Variants in SHROOM4 observed in about 807,000 individuals in gnomAD.
SHROOM4 encodes shroom family member 4.
Under a neutral mutation model 80.3 loss-of-function variants are expected in SHROOM4, and 17 were observed. That is an observed-to-expected ratio of 0.21 (90% CI 0.14 to 0.32). The LOEUF (loss-of-function observed/expected upper bound fraction) is 0.32. Ranked by LOEUF, SHROOM4 falls within the 10% of genes least tolerant of loss-of-function variation. SHROOM4 has a pLI of 1.00. For synonymous variants in SHROOM4, 400 were observed against 437.5 expected (o/e 0.91, Z 1.07); for missense variants, 993 against 1,140.3 (o/e 0.87, Z 1.86).
chrX:50,776,766 G>A (rs1186088652), intron 1 of SHROOM4, among the ~76,000 whole-genome samples: 1 of 108,468 alleles, frequency 9.2e-6, no homozygotes, highest in Non-Finnish European at 1.9e-5. Context: ...ATGGCTCACT[G>A]CAGCCTCAAC....
rs911533517 is a variant in SHROOM4, at chrX:50,591,378, G to A, written c.*5317C>T. 5.4e-5 allele frequency among the ~76,000 whole-genome samples: 6 copies of A among 111,866 alleles called. No individual in the cohort carries two copies. The East Asian group carries it at 1.7e-3, about 32-fold the overall frequency. On this transcript the variant is annotated 3_prime_UTR_variant, in exon 9 of 9. Transcript: ENST00000376020. Reference sequence around the variant, plus strand: ...TTAAAGATTGTTTTGACTGTTCCAGGTCCCTTGTAATTCCATATGAATTTT... The same window carrying A: ...TTAAAGATTGTTTTGACTGTTCCAGATCCCTTGTAATTCCATATGAATTTT...
chrX:50,803,527 C>A (rs966469158), intron 1 of SHROOM4, among the ~76,000 whole-genome samples: 1 of 111,765 alleles, frequency 8.9e-6, no homozygotes, highest in Non-Finnish European at 1.9e-5. Context: ...TTCTTCCTCC[C>A]AGGCCTACCT....
intron 1 of SHROOM4, among the ~76,000 whole-genome samples, chrX:50,733,690 C>A (rs1602471674): frequency 8.9e-6 from 1 of 112,247 alleles, no homozygotes; most frequent in East Asian, 2.8e-4. Context: ...AGACTACAAG[C>A]TTTCCTTTTA....
At chrX:50,660,220 C>T (rs928081902) in intron 2 of SHROOM4, among the ~76,000 whole-genome samples, 1 of 111,673 alleles carries the variant, frequency 9.0e-6, no homozygotes, top group Non-Finnish European at 1.9e-5. Context: ...CAGTGCTTTA[C>T]GAAGTTTCAT....
intron 2 of SHROOM4, among the ~76,000 whole-genome samples, chrX:50,647,038 A>G (rs1022998977): frequency 2.7e-5 from 3 of 111,847 alleles, no homozygotes; most frequent in African/African-American, 9.8e-5. Context: ...GAAGGTTGGC[A>G]GGAAGTAACC....
rs782530547 is a variant in SHROOM4, at chrX:50,694,543, A to ATTTTTTTTTTTTTTT, written c.269+1228_269+1242dup. 2.4e-3 allele frequency among the ~76,000 whole-genome samples: 30 copies of ATTTTTTTTTTTTTTT among 12,494 alleles called. 11 individuals are homozygous for ATTTTTTTTTTTTTTT. The highest frequency in any genetic ancestry group is 0.016 in the East Asian group (4 of 258). The allele number at this position is 12,494 out of a possible 115,157, so 10.8% of individuals were successfully genotyped here. On this transcript the variant is annotated intron_variant, in intron 2 of 8. Coordinates refer to ENST00000376020, the MANE Select transcript of SHROOM4 (RefSeq NM_020717.5). The stretch of plus-strand genomic sequence containing the variant: ...AGGTCTTTGCCCATTTTTAAGTTGG[A>ATTTTTTTTTTTTTTT]TTTTTTTTTTTTTTTTTTTTTTTTT...
chrX:50,718,325 A>AG (rs1557265088), intron 1 of SHROOM4, among the ~76,000 whole-genome samples: 1 of 111,953 alleles, frequency 8.9e-6, no homozygotes, highest in East Asian at 2.8e-4. Flanking sequence ...AATCCTAAAC[A>AG]TATATAAAAA....
chrX:50,782,072 G>T (rs1935638971), intron 1 of SHROOM4, among the ~76,000 whole-genome samples: 1 of 111,106 alleles, frequency 9.0e-6, no homozygotes, highest in Non-Finnish European at 1.9e-5. Flanking sequence ...AGCCTGGTGT[G>T]GTGGCACTTG....
At chrX:50,637,566 C>T (rs1318372275) in intron 3 of SHROOM4, among the ~76,000 whole-genome samples, 1 of 112,716 alleles carries the variant, frequency 8.9e-6, no homozygotes. Flanking sequence ...TTGGGGTAAA[C>T]GCAACCCTTA....
chrX:50,750,054 A>T (rs1022810007), intron 1 of SHROOM4, among the ~76,000 whole-genome samples: 2 of 111,829 alleles, frequency 1.8e-5, no homozygotes, highest in African/African-American at 6.5e-5. Flanking sequence ...ACATCTCATT[A>T]TCTTGGCCTC....
chrX:50,600,532 G>A (rs1247170747), intron 7 of SHROOM4, among the ~76,000 whole-genome samples: 1 of 112,340 alleles, frequency 8.9e-6, no homozygotes, highest in Non-Finnish European at 1.9e-5. Context: ...GTTAACACAT[G>A]TTACATGTTT....
chrX:50,786,065 A>T (rs1306144480), intron 1 of SHROOM4, among the ~76,000 whole-genome samples: 1 of 111,620 alleles, frequency 9.0e-6, no homozygotes, highest in Non-Finnish European at 1.9e-5. Flanking sequence ...GTACGATGAG[A>T]CTACCACATT....
At chrX:50,812,668 C>A (rs1356943801) in intron 1 of SHROOM4, among the ~76,000 whole-genome samples, 2 of 111,476 alleles carry the variant, frequency 1.8e-5, no homozygotes, top group Non-Finnish European at 3.8e-5. Flanking sequence ...AAGGCGAATG[C>A]CGCACAGGTT....
Position 50,736,445 on chromosome X carries a change from T to G in SHROOM4, c.118-40508A>C, listed in dbSNP as rs187330656. 2.8e-3 allele frequency among the ~76,000 whole-genome samples: 307 copies of G among 110,942 alleles called. 1 individual carries two copies. The highest frequency in any genetic ancestry group is 9.7e-3 in the African/African-American group (295 of 30,469). ...CCCAACAAGCCCCAATATGTGTTGT[T>G]CTCCTCCCTGTGTCCATGTGTTCTC... On this transcript the variant is annotated intron_variant, in intron 1 of 8. Coordinates refer to ENST00000376020, the MANE Select transcript of SHROOM4 (RefSeq NM_020717.5).
chrX:50,744,200 C>CT (rs1557267465), intron 1 of SHROOM4, among the ~76,000 whole-genome samples: 1 of 111,254 alleles, frequency 9.0e-6, no homozygotes, highest in African/African-American at 3.3e-5. Context: ...ACATTTCTGC[C>CT]TTTTTCTCTT....
At chrX:50,688,832 G>A (rs1050189853) in intron 2 of SHROOM4, among the ~76,000 whole-genome samples, 1 of 110,200 alleles carries the variant, frequency 9.1e-6, no homozygotes, top group South Asian at 4.0e-4. Context: ...AGGGAAGTAG[G>A]AACTATGAGT....
chrX:50,727,049 C>T (rs1476187734), intron 1 of SHROOM4, among the ~76,000 whole-genome samples: 1 of 113,298 alleles, frequency 8.8e-6, no homozygotes, highest in African/African-American at 3.2e-5. Flanking sequence ...TTCGGAGCCC[C>T]TCCTGCATCA....
intron 1 of SHROOM4, among the ~76,000 whole-genome samples, chrX:50,738,734 C>T (rs1374148627): frequency 6.3e-5 from 7 of 111,452 alleles, no homozygotes; most frequent in African/African-American, 1.3e-4. Context: ...GAATCAATAT[C>T]GTGAAAATGG....
At chrX:50,622,277 A>T (rs1341375950) in intron 5 of SHROOM4, among the ~76,000 whole-genome samples, 1 of 111,915 alleles carries the variant, frequency 8.9e-6, no homozygotes, top group East Asian at 2.8e-4. Flanking sequence ...TGTGAGAATT[A>T]ACTGTGGTCA....
Sources: gnomAD v4.1 joint callset for allele counts (sites outside exome capture counted in the v4.1 genomes callset) on GRCh38, gnomAD v4.1.1 for gene constraint, MANE v1.5 for transcripts, NCBI Gene and HGNC (gene_info 2026-07-23, HGNC 2026-07-21) for gene names.